PTPRH: variants seen among roughly 807,000 people sequenced by gnomAD.
PTPRH encodes the protein receptor-type tyrosine-protein phosphatase H.
PTPRH carries 113 observed loss-of-function variants against 130.2 expected under a neutral mutation model. That is an observed-to-expected ratio of 0.87 (90% confidence interval 0.75 to 1.01). PTPRH has a LOEUF of 1.01. Among genes scored for constraint, PTPRH ranks in the 50% least tolerant of loss-of-function variants. The pLI, the probability that PTPRH is intolerant of heterozygous loss-of-function variation, is 0.00. For synonymous variants in PTPRH, 556 were observed against 577.9 expected (o/e 0.96, Z 0.54); for missense variants, 1,430 against 1,425.0 (o/e 1.00, Z -0.06).
intron 7 of PTPRH, 110 bp from the exon 8 acceptor site, chr19:55,199,022 T>C: frequency 8.9e-7 from 1 of 1,124,796 alleles, no homozygotes; most frequent in African/African-American, 1.6e-5. Context: ...AAACACTTCC[T>C]GGCAGGGCAC....
Position 55,198,699 on chromosome 19 carries a change from A to C in PTPRH, c.1634T>G (p.Val545Gly), listed in dbSNP as rs2086762695. ...LEAGSLYHLT[V>G]WAERNEVRGY... ...TCTGACCTCATTCCTCTCGGCCCAG[A>C]CGGTGAGGTGGTACAGGCTGCCAGC... The change falls in exon 8 of 20, where the codon GTC (valine) becomes GGC (glycine). Residue 545 changes from valine to glycine, a missense_variant. Physicochemically the swap from Val to Gly is moderately radical, Grantham distance 109. Coordinates refer to ENST00000376350, the MANE Select transcript of PTPRH (RefSeq NM_002842.5). The C allele has an allele frequency of 6.2e-7, 1 of 1,613,788 alleles. No homozygotes were observed. The highest frequency in any genetic ancestry group is 1.3e-5 in the African/African-American group (1 of 74,904).
intron 4 of PTPRH, 113 bp downstream of exon 4, chr19:55,205,213 G>T: frequency 6.7e-7 from 1 of 1,495,360 alleles, no homozygotes; most frequent in Non-Finnish European, 9.1e-7. Flanking sequence ...ATGTGGACAT[G>T]AGTACCTGGC....
rs773161099 is a variant in PTPRH, at chr19:55,202,096, A to C, written c.1113T>G (p.Asn371Lys). The C allele has an allele frequency of 3.2e-5, 52 of 1,614,024 alleles. No homozygotes were observed. The South Asian group carries it at 5.5e-4, about 17-fold the overall frequency. ...LYVFSVWVGK[N>K]GINSSRETRN... The stretch of plus-strand genomic sequence containing the variant: ...GAGTCTCCCGGGAGCTGTTGATTCC[A>C]TTCTTCCCCACCCACACGGAAAACA... The change falls in exon 6 of 20, where the codon AAT (asparagine) becomes AAG (lysine). Residue 371 changes from asparagine to lysine, a missense_variant. Transcript: ENST00000376350.
chr19:55,188,175 G>A lies in PTPRH; in HGVS notation c.2385-7C>T. 1.2e-6 allele frequency: 2 copies of A among 1,610,992 alleles called. No individual in the cohort carries two copies. The highest frequency in any genetic ancestry group is 1.1e-5 in the South Asian group (1 of 91,008). Reference sequence around the variant, plus strand: ...TGGGATGTCCCCTGGGGAGCTACGGGTTTTGGGGGAGCAGGGAGAAAAGAC... The same window carrying A: ...TGGGATGTCCCCTGGGGAGCTACGGATTTTGGGGGAGCAGGGAGAAAAGAC... On this transcript the variant is annotated splice_polypyrimidine_tract_variant and splice_region_variant and intron_variant, in intron 12 of 19. Coordinates refer to ENST00000376350, the MANE Select transcript of PTPRH (RefSeq NM_002842.5).
At chr19:55,200,206 A>T (rs1411886458) in intron 7 of PTPRH, 30 bp downstream of exon 7, 1 of 1,610,954 alleles carries the variant, frequency 6.2e-7, no homozygotes, top group Non-Finnish European at 8.5e-7. Flanking sequence ...CCTCTCACCA[A>T]AACAGGGAGT....
chr19:55,200,700 C>T (rs1348764634), intron 6 of PTPRH, among the ~76,000 whole-genome samples, 198 bp from the exon 7 acceptor site: 3 of 151,902 alleles, frequency 2.0e-5, no homozygotes, highest in South Asian at 2.1e-4. Flanking sequence ...CCCAGCACTT[C>T]GGGAGGCTGA....
chr19:55,186,390 G>T, intron 15 of PTPRH, 31 bp from the exon 16 acceptor site: 3 of 1,611,956 alleles, frequency 1.9e-6, no homozygotes, highest in Non-Finnish European at 2.5e-6. Context: ...GGTCAGGGGG[G>T]CCTTTAGTTG....
chr19:55,198,975 T>A, intron 7 of PTPRH, 63 bp from the exon 8 acceptor site: 1 of 1,406,324 alleles, frequency 7.1e-7, no homozygotes, highest in Non-Finnish European at 9.4e-7. Flanking sequence ...CAGAACACAG[T>A]GATACGCCCT....
chr19:55,207,035 A>G, intron 2 of PTPRH, 80 bp from the exon 3 acceptor site: 3 of 1,552,032 alleles, frequency 1.9e-6, no homozygotes, highest in Non-Finnish European at 2.6e-6. Flanking sequence ...TCACGCCCCA[A>G]GTCCAGAAAC....
intron 12 of PTPRH, among the ~76,000 whole-genome samples, chr19:55,191,225 C>A (rs1568901183): frequency 6.6e-6 from 1 of 152,188 alleles, no homozygotes; most frequent in Non-Finnish European, 1.5e-5. Context: ...TTGTTTGGCA[C>A]CTGGAACAGT....
At chr19:55,191,858 C>T (rs537340345) in intron 10 of PTPRH, 117 bp from the exon 11 acceptor site, 19 of 877,542 alleles carry the variant, frequency 2.2e-5, no homozygotes, top group Middle Eastern at 2.1e-4. Flanking sequence ...AGCTGACCCC[C>T]GAACATCACA....
chr19:55,182,258 G>A, intron 18 of PTPRH, 107 bp from the exon 19 acceptor site: 3 of 1,301,248 alleles, frequency 2.3e-6, no homozygotes, highest in Non-Finnish European at 3.2e-6. Flanking sequence ...AACTATGCCT[G>A]CTCACACCTG....
chr19:55,207,241 C>T (rs957581739), intron 1 of PTPRH, 42 bp from the exon 2 acceptor site: 2 of 1,602,488 alleles, frequency 1.2e-6, no homozygotes, highest in South Asian at 2.2e-5. Flanking sequence ...CTCTCAACCA[C>T]TCCTCCGCCC....
In PTPRH at chr19:55,185,686, G is replaced by A. The variant is rs372351600; in HGVS notation, c.2902-24C>T. On this transcript the variant is annotated intron_variant, in intron 17 of 19. Coordinates refer to ENST00000376350, the MANE Select transcript of PTPRH (RefSeq NM_002842.5). ...ACCTGGAAGGAGGGAGCACTCACAGGCTCTGGAGATGAATGTAGGGAGGAC... is the reference window on the plus strand; with the variant it reads ...ACCTGGAAGGAGGGAGCACTCACAGACTCTGGAGATGAATGTAGGGAGGAC... 2.1e-4 allele frequency: 344 copies of A among 1,611,730 alleles called. 1 individual carries two copies. The highest frequency in any genetic ancestry group is 1.0e-4 in the Admixed American group (6 of 59,842).
At position 55,202,274 on chromosome 19, in the gene PTPRH, G is replaced by A; in HGVS notation, c.935C>T (p.Ser312Phe). ...NLTVEAQTNS[S>F]IALTWEVPDG... The stretch of plus-strand genomic sequence containing the variant: ...GGGGACCTCCCAGGTCAGGGCGATG[G>A]AGCTGTTGGTCTGAGCCTCCACTGT... Residue 312 changes from serine (S) to phenylalanine (F), a missense_variant, in exon 6 of 20, where the codon TCC becomes TTC. By Grantham distance (155) the Ser-to-Phe change is radical (BLOSUM62 -2). Transcript: ENST00000376350. The A allele has an allele frequency of 6.2e-7, 1 of 1,614,226 alleles. No individual in the cohort carries two copies. Among genetic ancestry groups the A allele is most frequent in the Non-Finnish European group, 8.5e-7 (1 of 1,180,032 alleles).
intron 12 of PTPRH, 134 bp downstream of exon 12, chr19:55,191,367 G>T: frequency 9.7e-7 from 1 of 1,032,190 alleles, no homozygotes. Flanking sequence ...GGTCCCTGTC[G>T]CAGAGGCATG....
intron 10 of PTPRH, among the ~76,000 whole-genome samples, chr19:55,194,986 G>C (rs893963612): frequency 6.6e-6 from 1 of 152,104 alleles, no homozygotes; most frequent in Non-Finnish European, 1.5e-5. Flanking sequence ...TCAGGAGTTC[G>C]AGACCAGTCT....
intron 13 of PTPRH, 108 bp downstream of exon 13, chr19:55,187,970 G>C (rs2086411466): frequency 2.7e-6 from 2 of 728,970 alleles, no homozygotes; most frequent in Non-Finnish European, 4.9e-6. Context: ...CATATGTGAT[G>C]CTACTTTTGC....
At position 55,196,564 on chromosome 19, in the gene PTPRH, T is replaced by G. The variant is rs758809433; in HGVS notation, c.2215A>C (p.Lys739Gln). ...CAGACCACAGAGTGAGACACGACCTTCATTCCGTCCCAGATGGTCGTGATG... is the reference window on the plus strand; with the variant it reads ...CAGACCACAGAGTGAGACACGACCTGCATTCCGTCCCAGATGGTCGTGATG... ...ATITTIWDGM[K>Q]VVSHSVVCHT... Residue 739 changes from lysine (K) to glutamine (Q), a missense_variant, in exon 10 of 20, where the codon AAG (lysine) becomes CAG (glutamine). Transcript: ENST00000376350. 2 of 1,613,182 alleles carry G rather than the reference T, an allele frequency of 1.2e-6. No individual in the cohort carries two copies. The highest frequency in any genetic ancestry group is 2.2e-5 in the South Asian group (2 of 91,010).
Sources: allele counts gnomAD v4.1 joint callset (sites outside exome capture counted in the v4.1 genomes callset), GRCh38; gene constraint gnomAD v4.1.1; transcripts MANE v1.5; gene names NCBI Gene and HGNC (gene_info 2026-07-23, HGNC 2026-07-21).